ANKRD36B: variants seen among roughly 807,000 people sequenced by gnomAD.
The protein encoded by ANKRD36B is ankyrin repeat domain 36B, also known as ankyrin repeat domain-containing protein 36B.
Under a neutral mutation model 135.7 loss-of-function variants are expected in ANKRD36B, and 37 were observed. That is an observed-to-expected ratio of 0.27 (90% CI 0.21 to 0.36). The LOEUF is 0.36. Among genes scored for constraint, ANKRD36B ranks in the 10% least tolerant of loss-of-function variants. The probability of loss-of-function intolerance (pLI) is 1.00; values close to 1 mark genes in which losing one functional copy is unlikely to be tolerated. For missense variants in ANKRD36B, 549 were observed against 1,037.1 expected (o/e 0.53, Z 6.46); for synonymous variants, 179 against 348.1 (o/e 0.51, Z 5.41).
chr2:97,551,252 G>T (rs1160093904), intron 18 of ANKRD36B, 37 bp downstream of exon 18: 5 of 1,537,976 alleles, frequency 3.3e-6, no homozygotes, highest in Non-Finnish European at 4.4e-6. Flanking sequence ...TTCTTATCTG[G>T]ACTGAACATG....
intron 6 of ANKRD36B, among the ~76,000 whole-genome samples, chr2:97,574,378 G>A (rs548426770): frequency 1.3e-5 from 2 of 152,254 alleles, no homozygotes; most frequent in East Asian, 1.9e-4. Context: ...TCATTAAAAC[G>A]TCAGGAAACA....
Position 97,545,294 on chromosome 2 carries a change from C to G in ANKRD36B, c.1681+372G>C, listed in dbSNP as rs1285259697. On this transcript the variant is annotated intron_variant, in intron 24 of 43. Transcript: ENST00000359901. The stretch of plus-strand genomic sequence containing the variant: ...TTTGTGGTATTAGGATCACTTTTCC[C>G]TCTGTTTATCCCAATACAATCTGAC... 2.1e-5 allele frequency among the ~76,000 whole-genome samples: 2 copies of G among 95,208 alleles called. 1 individual carries two copies. Among genetic ancestry groups the G allele is most frequent in the Admixed American group, 1.9e-4 (2 of 10,676 alleles). The allele number at this position is 95,208 out of a possible 152,430, so 62.5% of individuals were successfully genotyped here. A position where few individuals can be genotyped will look rare whatever the true frequency, so the allele number is the denominator to read the frequency against.
intron 6 of ANKRD36B, among the ~76,000 whole-genome samples, chr2:97,561,646 A>G (rs968484711): frequency 5.9e-5 from 9 of 151,972 alleles, no homozygotes; most frequent in Non-Finnish European, 1.2e-4. Context: ...AATCACTCCA[A>G]TATTCCTTGA....
At chr2:97,550,986 C>G (rs1292166230) in intron 18 of ANKRD36B, among the ~76,000 whole-genome samples, 4 of 151,876 alleles carry the variant, frequency 2.6e-5, no homozygotes, top group Non-Finnish European at 5.9e-5. Context: ...TCCTTACACC[C>G]TTAATGAAAA....
intron 6 of ANKRD36B, among the ~76,000 whole-genome samples, chr2:97,575,716 A>G (rs1370639588): frequency 2.0e-5 from 3 of 151,918 alleles, no homozygotes; most frequent in Admixed American, 6.6e-5. Context: ...GAAGGCATAC[A>G]GGCAAGAAAA....
At position 97,585,096 on chromosome 2, in the gene ANKRD36B, C is replaced by T. The variant is rs750897488; in HGVS notation, c.298G>A (p.Ala100Thr). 6.2e-7 allele frequency: 1 copy of T among 1,613,004 alleles called. No homozygotes were observed. Among genetic ancestry groups the T allele is most frequent in the Non-Finnish European group, 8.5e-7 (1 of 1,179,624 alleles). Reference sequence around the variant, plus strand: ...TTTTGCAGCAGAAGAGTTGCACAAGCCTCCTGCCTCAGTTGTACAGCCTGT... The same window carrying T: ...TTTTGCAGCAGAAGAGTTGCACAAGTCTCCTGCCTCAGTTGTACAGCCTGT... ...LIKAVQLRQEACATLLLQNGA... is the reference protein window; with the variant it reads ...LIKAVQLRQETCATLLLQNGA... Residue 100 changes from alanine to threonine, a missense_variant, in exon 3 of 44, where the codon GCT becomes ACT. Ala to Thr is a moderately conservative substitution (Grantham distance 58). Coordinates refer to ENST00000359901, the MANE Select transcript of ANKRD36B (RefSeq NM_001393939.1).
At chr2:97,519,879 T>C (rs2077910405) in intron 36 of ANKRD36B, among the ~76,000 whole-genome samples, 1 of 79,560 alleles carries the variant, frequency 1.3e-5, no homozygotes, top group Non-Finnish European at 3.4e-5. Flanking sequence ...TGTGTCAATT[T>C]AGGCTCATCT....
Position 97,549,441 on chromosome 2 carries a change from C to CT in ANKRD36B, c.1454dup (p.Asp486GlyfsTer6). ...TACCTGTCCTAGATTTTTCTCCATC[C>CT]TTTTTTTCTCTGGCTATATTCAAAA... On this transcript the variant is annotated frameshift_variant, in exon 20 of 44. Transcript: ENST00000359901. LOFTEE classifies it high-confidence loss of function. The CT allele has an allele frequency of 3.2e-6, 5 of 1,577,546 alleles. No individual in the cohort carries two copies. The highest frequency in any genetic ancestry group is 3.6e-5 in the Admixed American group (2 of 55,900).
intron 22 of ANKRD36B, among the ~76,000 whole-genome samples, chr2:97,546,274 A>C (rs1282484725): frequency 3.3e-5 from 5 of 151,748 alleles, no homozygotes; most frequent in African/African-American, 9.7e-5. Flanking sequence ...TTATACTACA[A>C]ACATTCATCA....
rs1195088162 is a variant in ANKRD36B, at chr2:97,585,297, G to A, written c.263C>T (p.Thr88Ile). 8 of 1,584,878 alleles carry A rather than the reference G, an allele frequency of 5.0e-6. No homozygotes were observed. The highest frequency in any genetic ancestry group is 3.6e-5 in the Admixed American group (2 of 55,832). Residue 88 changes from threonine (T) to isoleucine (I), a missense_variant, in exon 2 of 44, where the codon ACA (threonine) becomes ATA (isoleucine). Transcript: ENST00000359901. ...ELNLCDREDR[T>I]PLIKAVQLRQ... Reference sequence around the variant, plus strand: ...GCTACTATGTACCTTGATCAGAGGTGTCCTGTCTTCACGGTCGCAGAGGTT... The same window carrying A: ...GCTACTATGTACCTTGATCAGAGGTATCCTGTCTTCACGGTCGCAGAGGTT...
chr2:97,564,282 G>C (rs190393949), intron 6 of ANKRD36B, among the ~76,000 whole-genome samples: 1 of 152,052 alleles, frequency 6.6e-6, no homozygotes, highest in African/African-American at 2.4e-5. Flanking sequence ...GTCTACCAAA[G>C]AGTCAGGATA....
At chr2:97,549,829 T>C (rs867538083) in intron 18 of ANKRD36B, among the ~76,000 whole-genome samples, 1 of 151,912 alleles carries the variant, frequency 6.6e-6, no homozygotes, top group Non-Finnish European at 1.5e-5. Context: ...ATTTCAAACA[T>C]GGTATGATTT....
intron 10 of ANKRD36B, among the ~76,000 whole-genome samples, chr2:97,558,084 G>A (rs1160556280): frequency 1.3e-5 from 2 of 151,794 alleles, no homozygotes; most frequent in African/African-American, 2.4e-5. Context: ...GCCAATATAC[G>A]CATATTCATG....
At chr2:97,580,119 C>T (rs1374878083) in intron 4 of ANKRD36B, among the ~76,000 whole-genome samples, 3 of 152,218 alleles carry the variant, frequency 2.0e-5, no homozygotes, top group Admixed American at 6.5e-5. Flanking sequence ...AATGTAAGAT[C>T]ATACAATCAA....
rs1274612112 is a variant in ANKRD36B, at chr2:97,526,370, A to T, written c.2266-2903T>A. 3.7e-4 allele frequency among the ~76,000 whole-genome samples: 36 copies of T among 97,406 alleles called. 15 individuals carry two copies. The highest frequency in any genetic ancestry group is 1.6e-4 in the Non-Finnish European group (6 of 36,490). 63.9% of individuals were successfully genotyped at this position (97,406 alleles called of 152,430 possible). ...TGTCTGGTAGAAGGAAAACTAACAA[A>T]CAGAAAGGACATCCACACCAAAAAC... On this transcript the variant is annotated intron_variant, in intron 35 of 43. Coordinates refer to ENST00000359901, the MANE Select transcript of ANKRD36B (RefSeq NM_001393939.1).
Position 97,526,703 on chromosome 2 carries a change from G to T in ANKRD36B, c.2266-3236C>A, listed in dbSNP as rs1182862288. 5.2e-5 allele frequency among the ~76,000 whole-genome samples: 5 copies of T among 97,040 alleles called. 2 individuals carry two copies. The East Asian group carries it at 1.1e-3, about 22-fold the overall frequency. 63.7% of individuals were successfully genotyped at this position (97,040 alleles called of 152,430 possible). On this transcript the variant is annotated intron_variant, in intron 35 of 43. Coordinates refer to ENST00000359901, the MANE Select transcript of ANKRD36B (RefSeq NM_001393939.1). ...CCTAGAATAACCAATACAGAGAAGT[G>T]CTTAAAGGAGCTGATGGAGCTGAAA...
At position 97,535,160 on chromosome 2, in the gene ANKRD36B, C is replaced by T. The variant is rs1315663232; in HGVS notation, c.2191+1140G>A. ...GAGATGAAGAGAAAAATCACCATTA[C>T]CACAGTCTAGGAAGGGTGTGGGGGT... On this transcript the variant is annotated intron_variant, in intron 34 of 43. Coordinates refer to ENST00000359901, the MANE Select transcript of ANKRD36B (RefSeq NM_001393939.1). Among the ~76,000 whole-genome samples, 24 of 98,420 alleles carry T rather than the reference C, an allele frequency of 2.4e-4. 7 individuals carry two copies. The highest frequency in any genetic ancestry group is 4.7e-4 in the South Asian group (2 of 4,258). The allele number at this position is 98,420 out of a possible 152,430, so 64.6% of individuals were successfully genotyped here.
In ANKRD36B at chr2:97,538,185, CCG is replaced by C; in HGVS notation, c.2070_2071del (p.Gly691TrpfsTer9). The C allele has an allele frequency of 7.8e-7, 1 of 1,283,910 alleles. No individual in the cohort carries two copies. The allele number at this position is 1,283,910 out of a possible 1,614,324, so 79.5% of individuals were successfully genotyped here. A position where few individuals can be genotyped will look rare whatever the true frequency, so the allele number is the denominator to read the frequency against. On this transcript the variant is annotated frameshift_variant, in exon 32 of 44. Transcript: ENST00000359901. LOFTEE classifies it high-confidence loss of function. ...CAAATTACCTGTTCCAGATTTCCCA[CCG>C]CCCGTTATTCTTGTGGCAATATTCA... is the stretch of plus-strand genomic sequence containing the variant.
At chr2:97,567,898 C>G (rs1189293487) in intron 6 of ANKRD36B, among the ~76,000 whole-genome samples, 2 of 152,208 alleles carry the variant, frequency 1.3e-5, no homozygotes, top group African/African-American at 4.8e-5. Flanking sequence ...GATATATAGT[C>G]AAATAGAAGG....
Sources: gnomAD v4.1 joint callset for allele counts (sites outside exome capture counted in the v4.1 genomes callset) on GRCh38, gnomAD v4.1.1 for gene constraint, MANE v1.5 for transcripts, NCBI Gene and HGNC (gene_info 2026-07-23, HGNC 2026-07-21) for gene names.